The following ADGRB3 variants were observed in gnomAD, a reference collection of about 807,000 sequenced individuals.
ADGRB3 encodes brain-specific angiogenesis inhibitor 3.
In ADGRB3, 37 loss-of-function variants were observed where a neutral mutation model predicts 193.4. The ratio of observed to expected loss-of-function variants is 0.19; its 90% CI spans 0.15 to 0.25. The LOEUF (loss-of-function observed/expected upper bound fraction) is 0.25. Ranked by LOEUF, ADGRB3 falls within the 10% of genes least tolerant of loss-of-function variation. The probability of loss-of-function intolerance (pLI) is 1.00; values close to 1 mark genes in which losing one functional copy is unlikely to be tolerated. For missense variants in ADGRB3, 1,637 were observed against 1,852.9 expected (o/e 0.88, Z 2.14); for synonymous variants, 690 against 644.2 (o/e 1.07, Z -1.08).
intron 17 of ADGRB3, among the ~76,000 whole-genome samples, chr6:69,078,746 G>A (rs533851318): frequency 1.3e-5 from 2 of 151,798 alleles, no homozygotes; most frequent in African/African-American, 2.4e-5. Context: ...ATATAACCCC[G>A]TTTGATACTT....
intron 20 of ADGRB3, among the ~76,000 whole-genome samples, chr6:69,291,054 T>C (rs933838350): frequency 6.6e-6 from 1 of 152,142 alleles, no homozygotes; most frequent in Admixed American, 6.6e-5. Flanking sequence ...AGGAATAAAA[T>C]ATTTAAAACT....
intron 17 of ADGRB3, among the ~76,000 whole-genome samples, chr6:69,177,489 A>G (rs995911961): frequency 1.1e-4 from 17 of 151,756 alleles, no homozygotes; most frequent in Admixed American, 5.9e-4. Context: ...CCCAAGTAGC[A>G]GGGACTACAG....
At chr6:68,949,710 T>C (rs977394967) in intron 6 of ADGRB3, among the ~76,000 whole-genome samples, 1 of 152,220 alleles carries the variant, frequency 6.6e-6, no homozygotes, top group African/African-American at 2.4e-5. Context: ...TTTTATCTTC[T>C]TAGCCTTCTA....
chr6:68,785,978 T>C (rs1357656410), intron 3 of ADGRB3, among the ~76,000 whole-genome samples: 1 of 152,178 alleles, frequency 6.6e-6, no homozygotes, highest in Non-Finnish European at 1.5e-5. Context: ...TCTGTTCATA[T>C]CCTTTGCCCA....
intron 20 of ADGRB3, among the ~76,000 whole-genome samples, chr6:69,304,021 A>T (rs1235040379): frequency 6.6e-6 from 1 of 151,874 alleles, no homozygotes; most frequent in African/African-American, 2.4e-5. Context: ...AATTGCTTTC[A>T]TCATTTCTTT....
intron 3 of ADGRB3, among the ~76,000 whole-genome samples, chr6:68,814,838 A>C (rs1459636543): frequency 6.6e-6 from 1 of 152,186 alleles, no homozygotes; most frequent in Non-Finnish European, 1.5e-5. Flanking sequence ...CAACATACGA[A>C]AATCAATAAA....
chr6:69,080,641 T>G (rs1405450423), intron 17 of ADGRB3, among the ~76,000 whole-genome samples: 1 of 149,798 alleles, frequency 6.7e-6, no homozygotes, highest in African/African-American at 2.4e-5. Context: ...ATTGAAGCCT[T>G]TTCGTGAGCA....
chr6:68,907,045 G>T (rs1404256100), intron 3 of ADGRB3, among the ~76,000 whole-genome samples: 1 of 151,802 alleles, frequency 6.6e-6, no homozygotes, highest in East Asian at 1.9e-4. Flanking sequence ...TATACAAAAG[G>T]ATAACAGTAA....
At chr6:68,874,468 C>T (rs1765537598) in intron 3 of ADGRB3, among the ~76,000 whole-genome samples, 1 of 152,090 alleles carries the variant, frequency 6.6e-6, no homozygotes, top group African/African-American at 2.4e-5. Context: ...GTGTGGCTGA[C>T]ACTCTGGCCT....
chr6:68,755,541 A>G (rs1179193830), intron 3 of ADGRB3, among the ~76,000 whole-genome samples: 1 of 152,192 alleles, frequency 6.6e-6, no homozygotes, highest in Non-Finnish European at 1.5e-5. Flanking sequence ...TGAAGTTGAC[A>G]TAGACCTGAA....
chr6:68,835,686 A>T (rs776072610), intron 3 of ADGRB3, among the ~76,000 whole-genome samples: 2 of 152,126 alleles, frequency 1.3e-5, no homozygotes, highest in African/African-American at 2.4e-5. Flanking sequence ...CAACATCTAT[A>T]ATTTAGATTC....
At chr6:69,026,036 C>A (rs1029737493) in intron 13 of ADGRB3, among the ~76,000 whole-genome samples, 8 of 152,198 alleles carry the variant, frequency 5.3e-5, no homozygotes, top group African/African-American at 1.9e-4. Context: ...ATGGATTTAA[C>A]CAGCTTTAAG....
At chr6:68,870,340 T>A (rs1054594865) in intron 3 of ADGRB3, among the ~76,000 whole-genome samples, 1 of 152,190 alleles carries the variant, frequency 6.6e-6, no homozygotes, top group Non-Finnish European at 1.5e-5. Context: ...CTTGGACTAT[T>A]TAGTATTTTA....
intron 13 of ADGRB3, among the ~76,000 whole-genome samples, chr6:69,036,619 G>A (rs1770879216): frequency 1.3e-5 from 2 of 152,202 alleles, no homozygotes; most frequent in Middle Eastern, 3.4e-3. Flanking sequence ...TGGGGGCTTG[G>A]ATATCTTTAT....
At chr6:68,898,550 G>C (rs1432797396) in intron 3 of ADGRB3, among the ~76,000 whole-genome samples, 1 of 152,030 alleles carries the variant, frequency 6.6e-6, no homozygotes, top group Admixed American at 6.6e-5. Flanking sequence ...GAGAGAAAAG[G>C]TATTCCTGGC....
intron 26 of ADGRB3, among the ~76,000 whole-genome samples, chr6:69,344,359 A>G (rs1769039870): frequency 6.6e-6 from 1 of 152,168 alleles, no homozygotes; most frequent in South Asian, 2.1e-4. Flanking sequence ...TGAAATGCTT[A>G]AAATAAAAAA....
At chr6:69,246,714 G>A (rs534283037) in intron 20 of ADGRB3, among the ~76,000 whole-genome samples, 3 of 152,174 alleles carry the variant, frequency 2.0e-5, no homozygotes, top group Non-Finnish European at 2.9e-5. Flanking sequence ...GGAATTACTT[G>A]ACAATAGGAT....
At chr6:68,654,306 T>C (rs1489825710) in intron 3 of ADGRB3, among the ~76,000 whole-genome samples, 1 of 151,852 alleles carries the variant, frequency 6.6e-6, no homozygotes, top group Non-Finnish European at 1.5e-5. Context: ...CCAATGTGAG[T>C]GGTATGCTGG....
intron 18 of ADGRB3, 94 bp from the exon 19 acceptor site, chr6:69,234,938 A>G: frequency 2.1e-6 from 2 of 954,834 alleles, no homozygotes. Context: ...TATATAGGCT[A>G]TTTTTGAGTG....
Sources: allele counts gnomAD v4.1 joint callset (sites outside exome capture counted in the v4.1 genomes callset), GRCh38; gene constraint gnomAD v4.1.1; transcripts MANE v1.5; gene names NCBI Gene and HGNC (gene_info 2026-07-23, HGNC 2026-07-21).